Variants in CCDC171 observed in about 807,000 individuals in gnomAD.
CCDC171 encodes the protein coiled-coil domain containing 171, also known as coiled-coil domain-containing protein 171.
A neutral mutation model predicts 168.2 loss-of-function variants in CCDC171; 177 were observed. That is an observed-to-expected ratio of 1.05 (90% CI 0.93 to 1.19). The LOEUF is 1.19. Among genes scored for constraint, CCDC171 ranks in the 50% most tolerant of loss-of-function variants. The pLI is 0.00. For synonymous variants in CCDC171, 687 were observed against 540.8 expected, an observed-to-expected ratio of 1.27 and a Z score of -3.75; for missense variants, 1,991 against 1,539.0, an observed-to-expected ratio of 1.29 and a Z score of -4.91.
chr9:15,764,077 C>G (rs1554802155), intron 18 of CCDC171, among the ~76,000 whole-genome samples: 1 of 152,052 alleles, frequency 6.6e-6, no homozygotes, highest in Non-Finnish European at 1.5e-5. Flanking sequence ...AAGGAGTGTG[C>G]TTGATATTTT....
At chr9:15,580,095 A>C (rs989158258) in intron 4 of CCDC171, among the ~76,000 whole-genome samples, 1 of 152,232 alleles carries the variant, frequency 6.6e-6, no homozygotes, top group Admixed American at 6.5e-5. Flanking sequence ...TCTTTGACAA[A>C]GCAAACAAAA....
At chr9:15,646,644 G>C (rs1373503790) in intron 7 of CCDC171, among the ~76,000 whole-genome samples, 3 of 126,818 alleles carry the variant, frequency 2.4e-5, no homozygotes, top group Non-Finnish European at 5.4e-5. Context: ...AAGATCAAAA[G>C]AGACAAAGAA....
chr9:15,784,817 T>C, intron 21 of CCDC171, 123 bp downstream of exon 21: 1 of 698,514 alleles, frequency 1.4e-6, no homozygotes, highest in Non-Finnish European at 2.3e-6. Flanking sequence ...TCTATGAGGA[T>C]AGAATGAAAC....
intron 1 of CCDC171, among the ~76,000 whole-genome samples, chr9:16,055,735 G>A (rs1030539577): frequency 6.6e-6 from 1 of 152,232 alleles, no homozygotes; most frequent in African/African-American, 2.4e-5. Context: ...TGACACACAT[G>A]TGCCTCCTCC....
At chr9:15,596,994 T>A (rs1170402795) in intron 6 of CCDC171, among the ~76,000 whole-genome samples, 4 of 152,142 alleles carry the variant, frequency 2.6e-5, no homozygotes, top group African/African-American at 9.7e-5. Context: ...CACATTGATT[T>A]TGTATCCTGA....
intron 6 of CCDC171, among the ~76,000 whole-genome samples, chr9:15,606,422 A>G (rs2043230303): frequency 6.6e-6 from 1 of 152,344 alleles, no homozygotes; most frequent in African/African-American, 2.4e-5. Context: ...TAAATGTTAT[A>G]CAAAGCACCA....
the CCDC171 span, among the ~76,000 whole-genome samples, chr9:16,073,361 T>G: frequency 6.6e-6 from 1 of 152,244 alleles, no homozygotes; most frequent in Non-Finnish European, 1.5e-5. Flanking sequence ...GCAGGAAGGC[T>G]ATTATGTTTT....
intron 6 of CCDC171, among the ~76,000 whole-genome samples, chr9:15,603,031 G>C (rs2042975345): frequency 2.6e-5 from 4 of 151,860 alleles, no homozygotes; most frequent in African/African-American, 9.7e-5. Context: ...ACCCAGATTG[G>C]AGTGCAGTGG....
At chr9:15,949,860 G>C (rs1450015571) in intron 25 of CCDC171, among the ~76,000 whole-genome samples, 2 of 152,132 alleles carry the variant, frequency 1.3e-5, no homozygotes, top group African/African-American at 2.4e-5. Flanking sequence ...GGAGTGGTGA[G>C]AGAGGGCATC....
At chr9:15,713,288 A>C (rs530430529) in intron 11 of CCDC171, among the ~76,000 whole-genome samples, 7 of 147,732 alleles carry the variant, frequency 4.7e-5, no homozygotes, top group African/African-American at 1.8e-4. Flanking sequence ...TCACCATAAC[A>C]TACAGAACCA....
intron 24 of CCDC171, among the ~76,000 whole-genome samples, chr9:15,904,157 AT>A (rs1296262288): frequency 6.6e-6 from 1 of 152,208 alleles, no homozygotes; most frequent in African/African-American, 2.4e-5. Flanking sequence ...CAACATTCAA[AT>A]TCAGGAAATA....
chr9:15,747,820 A>G (rs1048524059), intron 18 of CCDC171, among the ~76,000 whole-genome samples: 2 of 152,226 alleles, frequency 1.3e-5, no homozygotes, highest in Non-Finnish European at 2.9e-5. Flanking sequence ...TGCAAATTCC[A>G]AAAACCAGAA....
intron 10 of CCDC171, among the ~76,000 whole-genome samples, chr9:15,680,086 T>C (rs1346618167): frequency 6.6e-6 from 1 of 152,130 alleles, no homozygotes; most frequent in African/African-American, 2.4e-5. Flanking sequence ...GTTCAGCATC[T>C]TTATCATAAT....
At chr9:15,594,828 A>G (rs1470109053) in intron 6 of CCDC171, among the ~76,000 whole-genome samples, 3 of 152,162 alleles carry the variant, frequency 2.0e-5, no homozygotes, top group African/African-American at 4.8e-5. Context: ...GAGAAACTCA[A>G]ACTAGTGTGT....
intron 21 of CCDC171, among the ~76,000 whole-genome samples, chr9:15,795,872 G>A (rs1163604058): frequency 6.6e-6 from 1 of 152,214 alleles, no homozygotes; most frequent in Non-Finnish European, 1.5e-5. Flanking sequence ...GGACTCTTTA[G>A]TTGAGATTTA....
intron 3 of CCDC171, among the ~76,000 whole-genome samples, chr9:16,002,337 T>C (rs766737532): frequency 2.0e-5 from 3 of 152,074 alleles, no homozygotes; most frequent in Non-Finnish European, 4.4e-5. Flanking sequence ...GTGATACTGA[T>C]GATCTTCACC....
rs558103169 is a variant in CCDC171 at position 15,596,614 on chromosome 9, A to T, written c.675+2442A>T. 5.0e-3 allele frequency among the ~76,000 whole-genome samples: 754 copies of T among 151,636 alleles called. 4 individuals carry two copies. Among genetic ancestry groups the T allele is most frequent in the African/African-American group, 0.017 (685 of 41,318 alleles). On this transcript the variant is annotated intron_variant, in intron 6 of 25. Transcript: ENST00000380701. ...GCTTTGTTCTTTTGGCTTAGGATTGACTTGGCAATGTGGGCTCTTTTTTGG... is the reference window on the plus strand; with the variant it reads ...GCTTTGTTCTTTTGGCTTAGGATTGTCTTGGCAATGTGGGCTCTTTTTTGG...
At chr9:15,927,368 A>G (rs186110914) in intron 25 of CCDC171, among the ~76,000 whole-genome samples, 9 of 151,772 alleles carry the variant, frequency 5.9e-5, no homozygotes, top group Admixed American at 3.3e-4. Context: ...AGCAGTCAGA[A>G]CCAATTACTT....
intron 25 of CCDC171, among the ~76,000 whole-genome samples, chr9:15,928,584 T>A (rs1468746318): frequency 6.6e-6 from 1 of 151,794 alleles, no homozygotes; most frequent in Non-Finnish European, 1.5e-5. Context: ...TTTCATTTTT[T>A]TCCTATTCTC....
Sources: allele counts gnomAD v4.1 joint callset (sites outside exome capture counted in the v4.1 genomes callset), GRCh38; gene constraint gnomAD v4.1.1; transcripts MANE v1.5; gene names NCBI Gene and HGNC (gene_info 2026-07-23, HGNC 2026-07-21).